Variants in PKHD1 observed in about 807,000 individuals in gnomAD.
The protein encoded by PKHD1 is fibrocystin.
PKHD1 carries 291 observed loss-of-function variants against 412.0 expected under a neutral mutation model. The observed-to-expected ratio is 0.71, with a 90% CI of 0.64 to 0.78. PKHD1 has a LOEUF of 0.78. Among genes scored for constraint, PKHD1 ranks in the 30% least tolerant of loss-of-function variants. PKHD1 has a pLI of 0.00. For missense variants in PKHD1, 4,825 were observed against 4,950.7 expected (o/e 0.97, Z 0.76); for synonymous variants, 1,777 against 1,821.5 (o/e 0.98, Z 0.62).
chr6:51,950,220 A>AAAAAAAAAATATATATATAT, intron 36 of PKHD1, among the ~76,000 whole-genome samples: 130 of 98,272 alleles, frequency 1.3e-3, no homozygotes, highest in Non-Finnish European at 1.9e-3. Flanking sequence ...GAAAAAAAAA[A>AAAAAAAAAATATATATATAT]ATATATATAT....
At position 52,053,064 on chromosome 6, in the gene PKHD1, T is replaced by C. The variant is rs1174693470; in HGVS notation, c.2140+12A>G. On this transcript the variant is annotated intron_variant, in intron 21 of 66. Transcript: ENST00000371117. ...TGACCGGCTTGTGGAGGAGAGAGAA[T>C]TTGATGATTACCTGTTACGTTTGTG... is the stretch of plus-strand genomic sequence containing the variant. 1 of 1,613,122 alleles carries C rather than the reference T, an allele frequency of 6.2e-7. No homozygotes were observed.
intron 51 of PKHD1, among the ~76,000 whole-genome samples, chr6:51,832,720 C>T (rs766610635): frequency 2.6e-5 from 4 of 152,044 alleles, no homozygotes; most frequent in Admixed American, 6.6e-5. Flanking sequence ...GTTGTAATAG[C>T]TCCAGAGGAT....
intron 60 of PKHD1, among the ~76,000 whole-genome samples, chr6:51,685,545 T>A (rs577459243): frequency 1.9e-4 from 29 of 152,234 alleles, no homozygotes; most frequent in African/African-American, 3.8e-4. Context: ...AATCTGAAAA[T>A]TTTTGCTCTT....
intron 60 of PKHD1, among the ~76,000 whole-genome samples, chr6:51,689,080 T>C (rs1280153337): frequency 1.3e-5 from 2 of 152,088 alleles, no homozygotes; most frequent in African/African-American, 2.4e-5. Context: ...CTGATGAACA[T>C]CGATGCAAAA....
At position 51,649,143 on chromosome 6, in the gene PKHD1, T is replaced by C. The variant is rs979295600; in HGVS notation, c.11252A>G (p.Asp3751Gly). 39 of 1,613,222 alleles carry C rather than the reference T, an allele frequency of 2.4e-5. No homozygotes were observed. Among genetic ancestry groups the C allele is most frequent in the Non-Finnish European group, 3.2e-5 (38 of 1,179,350 alleles). ...YALSILVQPS[D>G]GEVGNELPVQ... Reference sequence around the variant, plus strand: ...TGGAAGCTCATTTCCCACTTCTCCATCTGAAGGCTGGACTAGGATGGAAAG... The same window carrying C: ...TGGAAGCTCATTTCCCACTTCTCCACCTGAAGGCTGGACTAGGATGGAAAG... Residue 3751 changes from aspartate to glycine, a missense_variant, in exon 62 of 67, where the codon GAT (aspartate) becomes GGT (glycine). Coordinates refer to ENST00000371117, the MANE Select transcript of PKHD1 (RefSeq NM_138694.4).
intron 52 of PKHD1, among the ~76,000 whole-genome samples, chr6:51,804,644 T>C (rs575491873): frequency 1.3e-5 from 2 of 152,084 alleles, no homozygotes; most frequent in Non-Finnish European, 2.9e-5. Flanking sequence ...AGAAGAAAAA[T>C]ACATAATACT....
At chr6:52,053,956 C>G (rs1160970388) in intron 20 of PKHD1, 82 bp downstream of exon 20, 2 of 1,408,108 alleles carry the variant, frequency 1.4e-6, no homozygotes, top group Admixed American at 1.7e-5. Context: ...ACCATTAGTG[C>G]CTGAGGTGGG....
chr6:52,003,366 C>A (rs925120252), intron 35 of PKHD1, among the ~76,000 whole-genome samples: 4 of 152,114 alleles, frequency 2.6e-5, no homozygotes, highest in African/African-American at 9.7e-5. Context: ...AATCAAAGTA[C>A]CTTTAACTTA....
intron 64 of PKHD1, among the ~76,000 whole-genome samples, chr6:51,634,162 T>C (rs1389468875): frequency 6.6e-6 from 1 of 152,302 alleles, no homozygotes; most frequent in East Asian, 1.9e-4. Context: ...TTCATCCACA[T>C]AACTCAGGCA....
chr6:51,819,233 G>A (rs773436903), intron 52 of PKHD1, among the ~76,000 whole-genome samples: 3 of 152,042 alleles, frequency 2.0e-5, no homozygotes, highest in East Asian at 1.9e-4. Context: ...ATCCCCCTCC[G>A]AAAGTTATAC....
At chr6:51,779,779 C>T (rs952073985) in intron 53 of PKHD1, among the ~76,000 whole-genome samples, 1 of 137,526 alleles carries the variant, frequency 7.3e-6, no homozygotes, top group South Asian at 2.7e-4. Flanking sequence ...AAAGCCAACA[C>T]AACTGTTGCT....
intron 60 of PKHD1, among the ~76,000 whole-genome samples, chr6:51,667,685 T>G (rs1320376075): frequency 6.9e-6 from 1 of 144,066 alleles, no homozygotes; most frequent in African/African-American, 2.6e-5. Flanking sequence ...TTAGGTCTAA[T>G]GTTTAAGTCT....
intron 46 of PKHD1, among the ~76,000 whole-genome samples, chr6:51,874,281 A>AT (rs33935435): frequency 4.1e-4 from 62 of 151,984 alleles, no homozygotes; most frequent in African/African-American, 1.4e-3. Flanking sequence ...AAAATTAGAC[A>AT]TTTTTTTTAG....
At chr6:51,858,268 C>T (rs1278617008) in intron 48 of PKHD1, among the ~76,000 whole-genome samples, 1 of 151,948 alleles carries the variant, frequency 6.6e-6, no homozygotes, top group African/African-American at 2.4e-5. Context: ...GTTAAATTTC[C>T]CTTCTTAGAA....
chr6:51,731,415 G>A (rs1783220602), intron 60 of PKHD1, among the ~76,000 whole-genome samples: 4 of 152,072 alleles, frequency 2.6e-5, no homozygotes, highest in Admixed American at 2.0e-4. Context: ...TTCTCATAAA[G>A]GATTGTTAAC....
intron 53 of PKHD1, among the ~76,000 whole-genome samples, chr6:51,778,983 C>CT (rs1477615653): frequency 6.6e-6 from 1 of 152,078 alleles, no homozygotes; most frequent in African/African-American, 2.4e-5. Flanking sequence ...TCCTAAAAGC[C>CT]TTCTATGATC....
chr6:51,820,406 C>G (rs562246870), intron 52 of PKHD1, among the ~76,000 whole-genome samples: 2 of 152,276 alleles, frequency 1.3e-5, no homozygotes, highest in Middle Eastern at 3.4e-3. Context: ...TAGGAAGGAA[C>G]AAAATTTATG....
rs1326508776 is a variant in PKHD1 at position 51,878,934 on chromosome 6, A to G, written c.7350+4159T>C. 2.9e-4 allele frequency among the ~76,000 whole-genome samples: 23 copies of G among 78,548 alleles called. 6 individuals are homozygous for G. Among genetic ancestry groups the G allele is most frequent in the Non-Finnish European group, 5.0e-4 (23 of 45,778 alleles). 51.5% of individuals were successfully genotyped at this position (78,548 alleles called of 152,430 possible). On this transcript the variant is annotated intron_variant, in intron 46 of 66. Transcript: ENST00000371117. ...AGCAAAGTCTCAGGATACAAAATCA[A>G]TGTACAAAAATCACAAGCATTCTTA...
chr6:51,784,854 T>C (rs1313756550), intron 53 of PKHD1, among the ~76,000 whole-genome samples: 1 of 151,948 alleles, frequency 6.6e-6, no homozygotes, highest in African/African-American at 2.4e-5. Flanking sequence ...TCTAGCTTTT[T>C]CTTGTCTCTA....
Sources: allele counts gnomAD v4.1 joint callset (sites outside exome capture counted in the v4.1 genomes callset), GRCh38; gene constraint gnomAD v4.1.1; transcripts MANE v1.5; gene names NCBI Gene and HGNC (gene_info 2026-07-23, HGNC 2026-07-21).